PDSS1: variants seen among roughly 807,000 people sequenced by gnomAD.
PDSS1 encodes all trans-polyprenyl-diphosphate synthase PDSS1.
In PDSS1, 43 loss-of-function variants were observed where a neutral mutation model predicts 57.5. That is an observed-to-expected ratio of 0.75 (90% CI 0.59 to 0.96). The LOEUF (loss-of-function observed/expected upper bound fraction) is 0.96. Ranked by LOEUF, PDSS1 falls within the 50% of genes least tolerant of loss-of-function variation. The pLI, the probability that PDSS1 is intolerant of heterozygous loss-of-function variation, is 0.00. For synonymous variants in PDSS1, 175 were observed against 191.3 expected (o/e 0.91, Z 0.70); for missense variants, 438 against 527.8 (o/e 0.83, Z 1.67).
chr10:26,741,499 A>C (rs996678586), intron 10 of PDSS1, among the ~76,000 whole-genome samples: 2 of 150,358 alleles, frequency 1.3e-5, no homozygotes, highest in Admixed American at 1.3e-4. Flanking sequence ...AGGGGGGGAA[A>C]AACAACAAAA....
Position 26,713,221 on chromosome 10 carries a change from G to A in PDSS1, c.467+3453G>A, listed in dbSNP as rs1031083892. 4.7e-4 allele frequency among the ~76,000 whole-genome samples: 63 copies of A among 135,400 alleles called. 15 individuals are homozygous for A. Among genetic ancestry groups the A allele is most frequent in the African/African-American group, 1.7e-3 (63 of 37,182 alleles). The allele number at this position is 135,400 out of a possible 152,430, so 88.8% of individuals were successfully genotyped here. On this transcript the variant is annotated intron_variant, in intron 5 of 11. Coordinates refer to ENST00000376215, the MANE Select transcript of PDSS1 (RefSeq NM_014317.5). ...GCAAGAGAATCGCTTGAACCCGGGA[G>A]GCAGAGGTTGCAGTGAGCCGAGATC...
At chr10:26,723,084 C>CA (rs1478095973) in intron 6 of PDSS1, among the ~76,000 whole-genome samples, 2 of 152,116 alleles carry the variant, frequency 1.3e-5, no homozygotes, top group Admixed American at 1.3e-4. Flanking sequence ...CCACCCTCCC[C>CA]ACTGCCCTGG....
chr10:26,705,556 C>T (rs1480103659), intron 4 of PDSS1, among the ~76,000 whole-genome samples, 162 bp downstream of exon 4: 1 of 152,092 alleles, frequency 6.6e-6, no homozygotes, highest in Non-Finnish European at 1.5e-5. Context: ...TCACTGCAAC[C>T]CTTGCCTCCC....
At chr10:26,718,843 G>C (rs1199787314) in intron 5 of PDSS1, 1 of 151,490 alleles carries the variant, frequency 6.6e-6, no homozygotes, top group Non-Finnish European at 1.5e-5. Context: ...CTAGGGTTTA[G>C]TTCTAAGGCT....
chr10:26,720,027 A>G, intron 5 of PDSS1, 191 bp from the exon 6 acceptor site: 1 of 700,428 alleles, frequency 1.4e-6, no homozygotes, highest in Admixed American at 2.8e-5. Flanking sequence ...CATAAAATGT[A>G]GTTGTGGCAG....
intron 5 of PDSS1, among the ~76,000 whole-genome samples, chr10:26,713,957 C>T (rs1201791943): frequency 1.3e-5 from 2 of 152,046 alleles, no homozygotes; most frequent in East Asian, 3.9e-4. Flanking sequence ...TCTACCTGCA[C>T]ACCCTAGAGG....
chr10:26,697,933 G>T, intron 1 of PDSS1, 93 bp downstream of exon 1: 1 of 1,142,062 alleles, frequency 8.8e-7, no homozygotes, highest in Non-Finnish European at 1.1e-6. Flanking sequence ...GAGCACGTGC[G>T]TCGCGACGCG....
intron 1 of PDSS1, chr10:26,701,948 A>C (rs1835065336): frequency 2.4e-6 from 1 of 422,862 alleles, no homozygotes; most frequent in Admixed American, 2.5e-5. Context: ...TTGGGAGCCC[A>C]CCCTTTGCAT....
At position 26,711,039 on chromosome 10, in the gene PDSS1, G is replaced by C. The variant is rs868539518; in HGVS notation, c.467+1271G>C. Among the ~76,000 whole-genome samples, 16 of 98,804 alleles carry C rather than the reference G, an allele frequency of 1.6e-4. 7 individuals are homozygous for C. Among genetic ancestry groups the C allele is most frequent in the Non-Finnish European group, 2.1e-4 (9 of 42,478 alleles). The allele number at this position is 98,804 out of a possible 152,430, so 64.8% of individuals were successfully genotyped here. On this transcript the variant is annotated intron_variant, in intron 5 of 11. Transcript: ENST00000376215. ...CATACCTGATACAGCAGCTGGGGCA[G>C]AGTCATGCACTGACGGGGGATCTGG...
rs751585593 is a variant in PDSS1, at chr10:26,746,468, A to G, written c.1243A>G (p.Lys415Glu). ...TTCAGAAATTGTACTCACAAGAGAT[A>G]AATGACAACTCTTTCTGTTCTTTCT... ...QLSEIVLTRD[K>E] is the part of the protein sequence containing the mutation. Residue 415 changes from lysine (K) to glutamate (E), a missense_variant, in exon 12 of 12, where the codon AAA becomes GAA. By Grantham distance (56) the Lys-to-Glu change is moderately conservative. Transcript: ENST00000376215. 6.2e-6 allele frequency: 10 copies of G among 1,613,994 alleles called. No individual in the cohort carries two copies. The highest frequency in any genetic ancestry group is 8.5e-6 in the Non-Finnish European group (10 of 1,179,950).
At chr10:26,704,187 C>T (rs534701424) in intron 2 of PDSS1, among the ~76,000 whole-genome samples, 1 of 150,904 alleles carries the variant, frequency 6.6e-6, no homozygotes, top group Admixed American at 6.6e-5. Context: ...CCCCCACAAT[C>T]CGATTCATTC....
At chr10:26,705,135 T>C in intron 3 of PDSS1, 151 bp from the exon 4 acceptor site, 1 of 658,398 alleles carries the variant, frequency 1.5e-6, no homozygotes, top group Non-Finnish European at 2.8e-6. Flanking sequence ...TAGAATTCTG[T>C]ATGTTTTTCC....
chr10:26,698,543 C>T (rs918111355), intron 1 of PDSS1, among the ~76,000 whole-genome samples: 7 of 152,220 alleles, frequency 4.6e-5, no homozygotes, highest in Non-Finnish European at 7.3e-5. Flanking sequence ...TCTCCTTTTT[C>T]TCCCTTTCTG....
At chr10:26,731,982 T>C (rs1836222087) in intron 8 of PDSS1, among the ~76,000 whole-genome samples, 1 of 152,180 alleles carries the variant, frequency 6.6e-6, no homozygotes, top group Non-Finnish European at 1.5e-5. Flanking sequence ...GAGACGTGGC[T>C]TGTAAGGATG....
At chr10:26,730,207 C>T (rs1836131087) in intron 8 of PDSS1, among the ~76,000 whole-genome samples, 1 of 152,054 alleles carries the variant, frequency 6.6e-6, no homozygotes, top group Non-Finnish European at 1.5e-5. Context: ...CCACCGCGCC[C>T]AGCCTAGTTG....
intron 6 of PDSS1, 58 bp downstream of exon 6, chr10:26,720,417 G>A (rs545634593): frequency 1.8e-5 from 20 of 1,126,362 alleles, no homozygotes; most frequent in South Asian, 1.7e-4. Flanking sequence ...TTTTCGGACC[G>A]CATTTGTTTC....
Position 26,742,089 on chromosome 10 carries a change from C to G in PDSS1, c.1027-408C>G, listed in dbSNP as rs376621596. ...ACGGAGTTTCACCATGTTGGCCAGG[C>G]TAGTCTCAAACTCCTGACCTCAGGT... is the stretch of plus-strand genomic sequence containing the variant. On this transcript the variant is annotated intron_variant, in intron 10 of 11. Transcript: ENST00000376215. 7.9e-5 allele frequency among the ~76,000 whole-genome samples: 12 copies of G among 152,170 alleles called. No homozygotes were observed. In the East Asian group the frequency reaches 1.5e-3, roughly 20 times the overall value.
intron 5 of PDSS1, among the ~76,000 whole-genome samples, chr10:26,710,756 A>T (rs1322008933): frequency 1.0e-5 from 1 of 98,860 alleles, no homozygotes; most frequent in African/African-American, 3.3e-5. Context: ...AAAGGACAGG[A>T]TGTTTATTCG....
At chr10:26,703,933 T>C (rs1299868091) in intron 2 of PDSS1, among the ~76,000 whole-genome samples, 6 of 151,302 alleles carry the variant, frequency 4.0e-5, no homozygotes, top group Non-Finnish European at 1.5e-5. Flanking sequence ...TACAAAAAAT[T>C]AGCCAGGCGA....
Sources: gnomAD v4.1 joint callset for allele counts (sites outside exome capture counted in the v4.1 genomes callset) on GRCh38, gnomAD v4.1.1 for gene constraint, MANE v1.5 for transcripts, NCBI Gene and HGNC (gene_info 2026-07-23, HGNC 2026-07-21) for gene names.